Variants in RALYL observed in about 807,000 individuals in gnomAD.
RALYL encodes RALY RNA binding protein like.
Under a neutral mutation model 35.1 loss-of-function variants are expected in RALYL, and 29 were observed. The observed-to-expected ratio is 0.83, with a 90% CI of 0.61 to 1.13. The LOEUF (loss-of-function observed/expected upper bound fraction) is 1.13. RALYL is among the 50% of genes most tolerant of loss of function. The probability of loss-of-function intolerance (pLI) is 0.00; values close to 1 mark genes in which losing one functional copy is unlikely to be tolerated. For missense variants in RALYL, 359 were observed against 360.4 expected (o/e 1.00, Z 0.03); for synonymous variants, 120 against 127.6 (o/e 0.94, Z 0.40).
At chr8:84,871,797 GTTTTCTCAT>G (rs1437719980) in intron 6 of RALYL, among the ~76,000 whole-genome samples, 5 of 151,990 alleles carry the variant, frequency 3.3e-5, no homozygotes, top group African/African-American at 1.2e-4. Flanking sequence ...AATGGGAAAA[GTTTTCTCAT>G]TTTTATACAA....
chr8:84,666,054 G>A (rs886172411), intron 2 of RALYL, among the ~76,000 whole-genome samples: 1 of 151,986 alleles, frequency 6.6e-6, no homozygotes, highest in African/African-American at 2.4e-5. Flanking sequence ...TTCCCCTAAT[G>A]GTTCGGGTAT....
At chr8:84,901,067 G>A (rs1006665566) in intron 8 of RALYL, among the ~76,000 whole-genome samples, 6 of 152,134 alleles carry the variant, frequency 3.9e-5, no homozygotes, top group Admixed American at 3.9e-4. Flanking sequence ...GATAGAGGTT[G>A]CTTCTTACTT....
In RALYL at chr8:84,669,010, C is replaced by T. The variant is rs117757754; in HGVS notation, c.257-105569C>T. Among the ~76,000 whole-genome samples the T allele has an allele frequency of 7.5e-3, 1,139 of 152,112 alleles. 5 individuals are homozygous for T. The highest frequency in any genetic ancestry group is 0.012 in the Non-Finnish European group (785 of 67,994). ...CCATCCATCCATTTATTCATTCATT[C>T]GTAATCATTTACTCAATGATTATCA... On this transcript the variant is annotated intron_variant, in intron 2 of 8. Transcript: ENST00000521268.
intron 2 of RALYL, among the ~76,000 whole-genome samples, chr8:84,649,596 T>C (rs1251319821): frequency 6.6e-6 from 1 of 152,110 alleles, no homozygotes; most frequent in Admixed American, 6.6e-5. Flanking sequence ...GTTGTAGATA[T>C]GCGGCGTTAT....
At chr8:84,887,512 G>A (rs1015219325) in intron 7 of RALYL, 92 bp from the exon 8 acceptor site, 75 of 1,130,454 alleles carry the variant, frequency 6.6e-5, no homozygotes, top group South Asian at 1.2e-4. Context: ...AGCATATAGC[G>A]TTTACCCTTT....
chr8:84,249,061 G>A (rs770135519), intron 1 of RALYL, among the ~76,000 whole-genome samples: 1 of 151,946 alleles, frequency 6.6e-6, no homozygotes, highest in African/African-American at 2.4e-5. Context: ...TATGATAAAA[G>A]GGTCAATATT....
chr8:84,674,063 G>T (rs1359444235), intron 2 of RALYL, among the ~76,000 whole-genome samples: 1 of 152,010 alleles, frequency 6.6e-6, no homozygotes, highest in Non-Finnish European at 1.5e-5. Context: ...GCAGTGGTTT[G>T]TAGTTCACTT....
chr8:84,469,814 G>A (rs187985255), intron 1 of RALYL, among the ~76,000 whole-genome samples: 119 of 151,980 alleles, frequency 7.8e-4, no homozygotes, highest in Non-Finnish European at 1.4e-3. Flanking sequence ...AGGACCCTCC[G>A]AGCCAGGTGC....
At chr8:84,553,346 G>T (rs1383295120) in intron 2 of RALYL, among the ~76,000 whole-genome samples, 1 of 152,130 alleles carries the variant, frequency 6.6e-6, no homozygotes, top group African/African-American at 2.4e-5. Flanking sequence ...ATTCTTGGTA[G>T]AGACTGGGAT....
intron 3 of RALYL, among the ~76,000 whole-genome samples, chr8:84,799,011 A>G (rs1193588324): frequency 6.6e-6 from 1 of 152,200 alleles, no homozygotes; most frequent in Non-Finnish European, 1.5e-5. Flanking sequence ...AGTTATATTA[A>G]TACTATAAAT....
chr8:84,699,968 G>A (rs1385133341), intron 2 of RALYL, among the ~76,000 whole-genome samples: 1 of 152,016 alleles, frequency 6.6e-6, no homozygotes, highest in Non-Finnish European at 1.5e-5. Context: ...GGAAATTAAA[G>A]ACATTTTTCA....
chr8:84,861,510 G>C (rs1373059362), intron 5 of RALYL, among the ~76,000 whole-genome samples: 2 of 152,084 alleles, frequency 1.3e-5, no homozygotes, highest in Non-Finnish European at 2.9e-5. Flanking sequence ...TTCCGCAAAG[G>C]TTTTAAGTTT....
chr8:84,585,216 T>G (rs992336685), intron 2 of RALYL, among the ~76,000 whole-genome samples: 1 of 152,208 alleles, frequency 6.6e-6, no homozygotes, highest in Non-Finnish European at 1.5e-5. Flanking sequence ...TATGCCATGA[T>G]GTCAGTCATT....
intron 1 of RALYL, among the ~76,000 whole-genome samples, chr8:84,475,525 C>T (rs1049743689): frequency 1.3e-5 from 2 of 152,102 alleles, no homozygotes; most frequent in African/African-American, 4.8e-5. Flanking sequence ...TTTTTGAAGG[C>T]AAATACCTTT....
At chr8:84,389,668 G>T (rs572880657) in intron 1 of RALYL, among the ~76,000 whole-genome samples, 1 of 150,972 alleles carries the variant, frequency 6.6e-6, no homozygotes, top group Non-Finnish European at 1.5e-5. Flanking sequence ...GTATAAGAAT[G>T]CTTGTGATTT....
chr8:84,486,167 T>C (rs1172445118), intron 1 of RALYL, among the ~76,000 whole-genome samples: 2 of 151,352 alleles, frequency 1.3e-5, no homozygotes, highest in Non-Finnish European at 2.9e-5. Context: ...TTAGAACTTC[T>C]CTCACCTATA....
intron 7 of RALYL, among the ~76,000 whole-genome samples, chr8:84,876,947 C>T (rs759587168): frequency 2.6e-5 from 4 of 152,152 alleles, no homozygotes; most frequent in African/African-American, 4.8e-5. Context: ...CTTTTCAATA[C>T]TGCTACTCAA....
At chr8:84,464,401 T>C (rs2051254509) in intron 1 of RALYL, among the ~76,000 whole-genome samples, 1 of 151,516 alleles carries the variant, frequency 6.6e-6, no homozygotes, top group African/African-American at 2.4e-5. Flanking sequence ...GTTTGGTTTT[T>C]TGTTCTTGCG....
intron 1 of RALYL, among the ~76,000 whole-genome samples, chr8:84,284,006 A>G (rs1203407487): frequency 6.6e-6 from 1 of 152,206 alleles, no homozygotes; most frequent in Non-Finnish European, 1.5e-5. Flanking sequence ...AAGGAAATAA[A>G]TTAAAATAGG....
Sources: allele counts gnomAD v4.1 joint callset (sites outside exome capture counted in the v4.1 genomes callset), GRCh38; gene constraint gnomAD v4.1.1; transcripts MANE v1.5; gene names NCBI Gene and HGNC (gene_info 2026-07-23, HGNC 2026-07-21).